Variants in ATG7 observed in about 807,000 individuals in gnomAD.
ATG7 encodes the protein ubiquitin-like modifier-activating enzyme ATG7.
Under a neutral mutation model 82.4 loss-of-function variants are expected in ATG7, and 70 were observed. The ratio of observed to expected loss-of-function variants is 0.85; its 90% CI spans 0.70 to 1.04. ATG7 has a LOEUF of 1.04. Ranked by LOEUF, ATG7 falls within the 50% of genes least tolerant of loss-of-function variation. The pLI, the probability that ATG7 is intolerant of heterozygous loss-of-function variation, is 0.00. For missense variants in ATG7, 792 were observed against 864.3 expected, an observed-to-expected ratio of 0.92 and a Z score of 1.05; for synonymous variants, 287 against 313.0, an observed-to-expected ratio of 0.92 and a Z score of 0.88.
At chr3:11,328,781 A>G (rs112430290) in intron 9 of ATG7, among the ~76,000 whole-genome samples, 2,199 of 152,326 alleles carry the variant, frequency 0.014, 27 homozygotes, top group Middle Eastern at 0.048. Flanking sequence ...TCACAATACA[A>G]TAAGAGATAT....
At chr3:11,380,859 T>C (rs1218331512) in intron 19 of ATG7, among the ~76,000 whole-genome samples, 3 of 152,170 alleles carry the variant, frequency 2.0e-5, no homozygotes. Context: ...ATTTTTCGTG[T>C]AGCCTTCGTC....
chr3:11,292,899 C>A (rs1945199505), intron 3 of ATG7, among the ~76,000 whole-genome samples: 1 of 152,180 alleles, frequency 6.6e-6, no homozygotes. Flanking sequence ...TAGTTTTGGT[C>A]TGTGTTCAGT....
intron 20 of ATG7, among the ~76,000 whole-genome samples, chr3:11,465,051 A>AT (rs11437004): frequency 0.85 from 128,050 of 151,400 alleles, 54,330 homozygotes; most frequent in East Asian, 1. Context: ...TAAAGGAAAA[A>AT]TTTTTTTTCT....
intron 20 of ATG7, among the ~76,000 whole-genome samples, chr3:11,459,158 G>A (rs2086054872): frequency 7.5e-6 from 1 of 133,256 alleles, no homozygotes; most frequent in Non-Finnish European, 1.6e-5. Context: ...CTAAAGTGAG[G>A]AGGGGGAGTC....
At chr3:11,318,350 T>C (rs1949731185) in intron 9 of ATG7, among the ~76,000 whole-genome samples, 1 of 152,212 alleles carries the variant, frequency 6.6e-6, no homozygotes, top group East Asian at 1.9e-4. Context: ...AGATCAGACA[T>C]TGACCTGTGG....
At chr3:11,289,618 A>G (rs1216841931) in intron 3 of ATG7, among the ~76,000 whole-genome samples, 1 of 152,182 alleles carries the variant, frequency 6.6e-6, no homozygotes, top group Non-Finnish European at 1.5e-5. Flanking sequence ...ACTTTTGTGC[A>G]ATCATGGATC....
In ATG7 at chr3:11,424,016, C is replaced by A. The variant is rs2082157642; in HGVS notation, c.1957-2788C>A. 3.9e-5 allele frequency among the ~76,000 whole-genome samples: 6 copies of A among 152,320 alleles called. No individual in the cohort carries two copies. The South Asian group carries it at 1.2e-3, about 32-fold the overall frequency. ...GCTGGGCCTCAGGGTCACCACTCTT[C>A]TCAAGCCCCATAGTCTAACCCTTCT... On this transcript the variant is annotated intron_variant, in intron 19 of 20. Transcript: ENST00000693202.
chr3:11,409,150 T>C (rs1471270634), intron 19 of ATG7, among the ~76,000 whole-genome samples: 1 of 152,256 alleles, frequency 6.6e-6, no homozygotes, highest in Non-Finnish European at 1.5e-5. Flanking sequence ...TGTTTAATTT[T>C]AATAAAGTCT....
the ATG7 span, among the ~76,000 whole-genome samples, chr3:11,573,765 T>C: frequency 2.6e-5 from 4 of 152,250 alleles, no homozygotes; most frequent in African/African-American, 9.6e-5. Flanking sequence ...TTAATTTCTG[T>C]AATGGGTTGA....
rs141945213 is a variant in ATG7 at position 11,373,266 on chromosome 3, A to G, written c.1876-6706A>G. Among the ~76,000 whole-genome samples the G allele has an allele frequency of 2.1e-5, 3 of 140,778 alleles. No homozygotes were observed. In the East Asian group the frequency reaches 5.8e-4, roughly 27 times the overall value. 92.4% of individuals were successfully genotyped at this position (140,778 alleles called of 152,430 possible). On this transcript the variant is annotated intron_variant, in intron 18 of 20. Coordinates refer to ENST00000693202, the MANE Select transcript of ATG7 (RefSeq NM_001349232.2). ...TTGATATCACTTTATAAAGCCTTTT[A>G]ATTTAAATGTTAATTTAACATGAAC...
At chr3:11,429,840 C>T (rs2082707092) in intron 20 of ATG7, among the ~76,000 whole-genome samples, 1 of 149,978 alleles carries the variant, frequency 6.7e-6, no homozygotes, top group African/African-American at 2.4e-5. Flanking sequence ...CCCAGCTACT[C>T]TGGGATGAGG....
At chr3:11,350,451 A>G (rs2075450380) in intron 14 of ATG7, among the ~76,000 whole-genome samples, 1 of 152,182 alleles carries the variant, frequency 6.6e-6, no homozygotes, top group South Asian at 2.1e-4. Flanking sequence ...GGCTGAACTT[A>G]CTCAATAAGC....
At chr3:11,324,031 G>A (rs187356280) in intron 9 of ATG7, among the ~76,000 whole-genome samples, 207 of 152,292 alleles carry the variant, frequency 1.4e-3, no homozygotes, top group Non-Finnish European at 2.3e-3. Context: ...TTGCTTGGCA[G>A]ACTGATCATG....
the ATG7 span, among the ~76,000 whole-genome samples, chr3:11,566,325 A>AC: frequency 3.3e-3 from 495 of 152,258 alleles, 14 homozygotes; most frequent in East Asian, 0.078. Flanking sequence ...TGCACCCTTT[A>AC]CCTTGACTCC....
intron 3 of ATG7, 129 bp downstream of exon 3, chr3:11,282,567 G>A (rs1272531398): frequency 6.6e-6 from 1 of 152,212 alleles, no homozygotes; most frequent in East Asian, 1.9e-4. Flanking sequence ...ATGTCTTGTG[G>A]AGATGTTAGT....
intron 20 of ATG7, among the ~76,000 whole-genome samples, chr3:11,539,724 ATAAAATC>A (rs1485435192): frequency 1.3e-5 from 2 of 152,266 alleles, no homozygotes; most frequent in African/African-American, 4.8e-5. Flanking sequence ...AATTTAAAAA[ATAAAATC>A]TATTGATGCG....
At chr3:11,511,642 AG>A (rs1393132411) in intron 20 of ATG7, among the ~76,000 whole-genome samples, 2 of 152,120 alleles carry the variant, frequency 1.3e-5, no homozygotes. Context: ...CGCCGTGAGC[AG>A]GGGGTGGTGC....
intron 19 of ATG7, among the ~76,000 whole-genome samples, chr3:11,409,268 T>G (rs982101356): frequency 6.6e-6 from 1 of 152,230 alleles, no homozygotes; most frequent in Non-Finnish European, 1.5e-5. Flanking sequence ...TATTTCAAAT[T>G]GTGAATTTTG....
At chr3:11,443,989 T>G (rs1337283067) in intron 20 of ATG7, among the ~76,000 whole-genome samples, 1 of 152,196 alleles carries the variant, frequency 6.6e-6, no homozygotes, top group Non-Finnish European at 1.5e-5. Flanking sequence ...AACAGTAAAC[T>G]TTTCCTGTAC....
Sources: allele counts gnomAD v4.1 joint callset (sites outside exome capture counted in the v4.1 genomes callset), GRCh38; gene constraint gnomAD v4.1.1; transcripts MANE v1.5; gene names NCBI Gene and HGNC (gene_info 2026-07-23, HGNC 2026-07-21).